The following SUCO variants were observed in gnomAD, a reference collection of about 807,000 sequenced individuals.
SUCO encodes SUN domain containing ossification factor, also known as SUN domain-containing ossification factor.
SUCO carries 57 observed loss-of-function variants against 148.1 expected under a neutral mutation model. The observed-to-expected ratio is 0.38, with a 90% CI of 0.31 to 0.48. SUCO has a LOEUF of 0.48. Ranked by LOEUF, SUCO falls within the 20% of genes least tolerant of loss-of-function variation. The pLI is 0.96. For missense variants in SUCO, 1,331 were observed against 1,468.2 expected (o/e 0.91, Z 1.53); for synonymous variants, 470 against 502.7 (o/e 0.93, Z 0.87).
chr1:172,557,728 A>C lies in SUCO; in HGVS notation c.666A>C (p.Ser222=). The change falls in exon 6 of 24, where the codon TCA becomes TCC. Residue 222 remains serine (S), a synonymous_variant. Coordinates refer to ENST00000263688, the MANE Select transcript of SUCO (RefSeq NM_014283.5). ...ITKSEFESKV[S]ASEQGGGDPK... is the part of the protein sequence containing the mutation. Reference sequence around the variant, plus strand: ...AATCAGAATTTGAATCAAAAGTTTCAGCAAGTGAACAGGGCGGTGGTGATC... The same window carrying C: ...AATCAGAATTTGAATCAAAAGTTTCCGCAAGTGAACAGGGCGGTGGTGATC... The C allele has an allele frequency of 6.2e-7, 1 of 1,613,246 alleles. No individual in the cohort carries two copies. The highest frequency in any genetic ancestry group is 1.1e-5 in the South Asian group (1 of 90,870).
At chr1:172,596,732 G>A (rs1263790309) in intron 19 of SUCO, among the ~76,000 whole-genome samples, 1 of 152,234 alleles carries the variant, frequency 6.6e-6, no homozygotes. Flanking sequence ...CTACACGGGG[G>A]TCAGGGACCC....
At chr1:172,579,640 G>T (rs923522442) in intron 15 of SUCO, among the ~76,000 whole-genome samples, 1 of 152,100 alleles carries the variant, frequency 6.6e-6, no homozygotes, top group Admixed American at 6.5e-5. Context: ...TATAAAGGGT[G>T]CTCCTACCAT....
At chr1:172,532,468 A>G (rs1267047241), upstream of SUCO, 6 of 1,607,120 alleles carry the variant, frequency 3.7e-6, no homozygotes, top group Non-Finnish European at 5.1e-6. Context: ...GCTGCAACCA[A>G]TCAGATGAGA....
Position 172,540,064 on chromosome 1 carries a change from T to C in SUCO, c.62+6567T>C, listed in dbSNP as rs73032194. Among the ~76,000 whole-genome samples the C allele has an allele frequency of 1.6e-3, 237 of 152,344 alleles. 1 individual carries two copies. The highest frequency in any genetic ancestry group is 5.4e-3 in the African/African-American group (226 of 41,574). On this transcript the variant is annotated intron_variant, in intron 1 of 23. Transcript: ENST00000263688. The stretch of plus-strand genomic sequence containing the variant: ...ATTCAGTGTAATATGCATTAAATTA[T>C]TTTATTCTCTGTATAGATGTTTTAA...
At chr1:172,577,615 T>C in intron 12 of SUCO, 56 bp downstream of exon 12, 1 of 1,595,766 alleles carries the variant, frequency 6.3e-7, no homozygotes, top group Non-Finnish European at 8.5e-7. Context: ...TATTAATGCA[T>C]TACAAAAACT....
chr1:172,532,658 C>G, upstream of SUCO: 1 of 1,614,026 alleles, frequency 6.2e-7, no homozygotes, highest in Non-Finnish European at 8.5e-7. Flanking sequence ...TGATCAGTCT[C>G]GTGGTGAGCA....
At chr1:172,541,905 CTGTT>C (rs971539247) in intron 1 of SUCO, 2 of 920,760 alleles carry the variant, frequency 2.2e-6, no homozygotes, top group South Asian at 5.0e-5. Flanking sequence ...TGTTTGTTTT[CTGTT>C]TGTTTGCTTG....
upstream of SUCO, chr1:172,532,760 A>C (rs1651679794): frequency 6.2e-7 from 1 of 1,613,568 alleles, no homozygotes; most frequent in Non-Finnish European, 8.5e-7. Context: ...TACAACTCCC[A>C]AAGGCCCTTG....
intron 6 of SUCO, 26 bp from the exon 7 acceptor site, chr1:172,568,993 T>C: frequency 4.5e-6 from 7 of 1,544,958 alleles, no homozygotes; most frequent in Non-Finnish European, 6.1e-6. Context: ...AGTTGAAGTC[T>C]TCTTACTTTT....
chr1:172,609,674 A>G (rs1471084939), intron 23 of SUCO, 142 bp from the exon 24 acceptor site: 3 of 1,447,302 alleles, frequency 2.1e-6, no homozygotes, highest in Non-Finnish European at 9.1e-7. Context: ...GAACATAACA[A>G]TGTATGTGTT....
At chr1:172,597,533 T>G (rs955012455) in intron 19 of SUCO, among the ~76,000 whole-genome samples, 15 of 152,244 alleles carry the variant, frequency 9.9e-5, no homozygotes, top group African/African-American at 3.6e-4. Context: ...TTTGTATTTT[T>G]TTTAATGTAG....
chr1:172,599,696 C>T (rs183999721), intron 19 of SUCO, among the ~76,000 whole-genome samples: 1 of 152,200 alleles, frequency 6.6e-6, no homozygotes, highest in Non-Finnish European at 1.5e-5. Context: ...TTTGCGCCAA[C>T]TGCTTTGCTT....
Position 172,557,669 on chromosome 1 carries a change from G to A in SUCO, c.607G>A (p.Val203Ile), listed in dbSNP as rs747657279. Residue 203 changes from valine (V) to isoleucine (I), a missense_variant, in exon 6 of 24, where the codon GTA (valine) becomes ATA (isoleucine). By Grantham distance (29) the Val-to-Ile change is conservative. Coordinates refer to ENST00000263688, the MANE Select transcript of SUCO (RefSeq NM_014283.5). Reference protein sequence around the residue: ...DSLVGQHIENVSSSHGKGKIT... With the variant: ...DSLVGQHIENISSSHGKGKIT... ...CCTTGTTGGCCAGCATATAGAAAATGTATCATCTTCACATGGTAAAGGAAA... is the reference window on the plus strand; with the variant it reads ...CCTTGTTGGCCAGCATATAGAAAATATATCATCTTCACATGGTAAAGGAAA... The A allele has an allele frequency of 8.1e-6, 13 of 1,604,402 alleles. No individual in the cohort carries two copies. Among genetic ancestry groups the A allele is most frequent in the African/African-American group, 1.3e-5 (1 of 74,268 alleles).
intron 1 of SUCO, among the ~76,000 whole-genome samples, chr1:172,541,158 G>T (rs1004093436): frequency 3.9e-5 from 6 of 152,038 alleles, no homozygotes; most frequent in African/African-American, 1.5e-4. Flanking sequence ...TTGTATAACA[G>T]CTATTTACAT....
At position 172,609,145 on chromosome 1, in the gene SUCO, G is replaced by T. The variant is rs142943660; in HGVS notation, c.3321+343G>T. On this transcript the variant is annotated intron_variant, in intron 23 of 23. Transcript: ENST00000263688. ...TGGATGATTGTCATTATTTATTACC[G>T]AATGCATGCCAAGCACAGAGCATGC... 1.6e-3 allele frequency: 1,041 copies of T among 638,714 alleles called. 3 individuals carry two copies. Among genetic ancestry groups the T allele is most frequent in the Middle Eastern group, 0.015 (18 of 1,232 alleles). The allele number at this position is 638,714 out of a possible 1,614,324, so 39.6% of individuals were successfully genotyped here. A position where few individuals can be genotyped will look rare whatever the true frequency, so the allele number is the denominator to read the frequency against.
At chr1:172,570,501 A>C (rs1011915842) in intron 8 of SUCO, 162 bp from the exon 9 acceptor site, 2 of 591,302 alleles carry the variant, frequency 3.4e-6, no homozygotes, top group African/African-American at 3.8e-5. Context: ...GTGAATGGTG[A>C]ATCTTAGCCA....
At chr1:172,603,857 T>G (rs1657686312) in intron 22 of SUCO, among the ~76,000 whole-genome samples, 1 of 151,964 alleles carries the variant, frequency 6.6e-6, no homozygotes, top group Non-Finnish European at 1.5e-5. Flanking sequence ...TTATTTTCGT[T>G]CCTTATAGTA....
intron 15 of SUCO, among the ~76,000 whole-genome samples, chr1:172,580,848 TCCCAGTA>T (rs928371454): frequency 6.6e-6 from 1 of 152,192 alleles, no homozygotes; most frequent in Non-Finnish European, 1.5e-5. Flanking sequence ...ATGCTTGTAA[TCCCAGTA>T]CTTTGGGAGG....
chr1:172,602,159 A>G lies in SUCO; in HGVS notation c.3114A>G (p.Gln1038=). 1 of 1,613,700 alleles carries G rather than the reference A, an allele frequency of 6.2e-7. No homozygotes were observed. The highest frequency in any genetic ancestry group is 8.5e-7 in the Non-Finnish European group (1 of 1,179,834). Residue 1038 remains glutamine (Q), a synonymous_variant, in exon 21 of 24, where the codon CAA becomes CAG. Coordinates refer to ENST00000263688, the MANE Select transcript of SUCO (RefSeq NM_014283.5). ...LCMQRCRNTS[Q]FDGDYISKLP... ...TGCAGCGTTGTCGAAATACTTCTCA[A>G]TTTGATGGAGATTATATTTCAAAAC...
Sources: gnomAD v4.1 joint callset for allele counts (sites outside exome capture counted in the v4.1 genomes callset) on GRCh38, gnomAD v4.1.1 for gene constraint, MANE v1.5 for transcripts, NCBI Gene and HGNC (gene_info 2026-07-23, HGNC 2026-07-21) for gene names.